The following KCNG3 variants were observed in gnomAD, a reference collection of about 807,000 sequenced individuals.
KCNG3 encodes potassium voltage-gated channel modifier subfamily G member 3.
KCNG3 carries 15 observed loss-of-function variants against 29.0 expected under a neutral mutation model. The ratio of observed to expected loss-of-function variants is 0.52; its 90% CI spans 0.35 to 0.80. KCNG3 has a LOEUF of 0.80. Among genes scored for constraint, KCNG3 ranks in the 30% least tolerant of loss-of-function variants. The pLI, the probability that KCNG3 is intolerant of heterozygous loss-of-function variation, is 0.01. For missense variants in KCNG3, 512 were observed against 605.7 expected (o/e 0.85, Z 1.62); for synonymous variants, 322 against 248.9 (o/e 1.29, Z -2.76).
At chr2:42,472,290 T>C (rs903416213) in intron 1 of KCNG3, among the ~76,000 whole-genome samples, 2 of 152,212 alleles carry the variant, frequency 1.3e-5, no homozygotes, top group Non-Finnish European at 2.9e-5. Context: ...AAACGTGACA[T>C]GAAGTTGAAC....
At chr2:42,405,348 G>T in the KCNG3 span, among the ~76,000 whole-genome samples, 1 of 151,544 alleles carries the variant, frequency 6.6e-6, no homozygotes. Context: ...TTTCTCCTTT[G>T]TGTTTGTTTT....
chr2:42,452,973 G>A lies in KCNG3; in HGVS notation c.666-8394C>T, dbSNP rs1370444139. ...ATTTTTGTATTTTTAGTAGAGATGGGGTTTCACCATGTTGGCCAAGCTGGT... is the reference window on the plus strand; with the variant it reads ...ATTTTTGTATTTTTAGTAGAGATGGAGTTTCACCATGTTGGCCAAGCTGGT... On this transcript the variant is annotated intron_variant, in intron 1 of 1. Coordinates refer to ENST00000306078, the MANE Select transcript of KCNG3 (RefSeq NM_133329.6). 2.6e-5 allele frequency among the ~76,000 whole-genome samples: 4 copies of A among 152,108 alleles called. 1 individual carries two copies. The highest frequency in any genetic ancestry group is 5.9e-5 in the Non-Finnish European group (4 of 68,020).
At chr2:42,418,260 T>A in the KCNG3 span, among the ~76,000 whole-genome samples, 1 of 152,204 alleles carries the variant, frequency 6.6e-6, no homozygotes, top group Non-Finnish European at 1.5e-5. Flanking sequence ...GGTTCACCCA[T>A]GTTGTAGCAT....
the KCNG3 span, among the ~76,000 whole-genome samples, chr2:42,422,884 G>A: frequency 6.6e-6 from 1 of 152,128 alleles, no homozygotes; most frequent in Non-Finnish European, 1.5e-5. Context: ...CCACCTCCTT[G>A]TTGGGCCCTT....
chr2:42,439,675 T>C (rs181514716), downstream of KCNG3, among the ~76,000 whole-genome samples: 32 of 152,028 alleles, frequency 2.1e-4, no homozygotes, highest in Admixed American at 6.6e-4. Context: ...AGACGGAGTT[T>C]CACTTTTGTC....
At chr2:42,441,410 T>A (rs902462776), downstream of KCNG3, among the ~76,000 whole-genome samples, 3 of 151,758 alleles carry the variant, frequency 2.0e-5, no homozygotes, top group African/African-American at 7.3e-5. Flanking sequence ...AATAGATAAA[T>A]AATGATAAAA....
the KCNG3 span, among the ~76,000 whole-genome samples, chr2:42,397,606 T>C: frequency 3.9e-5 from 6 of 152,226 alleles, no homozygotes; most frequent in African/African-American, 1.2e-4. Context: ...ATATTAGGTA[T>C]AAAGGTGACA....
At chr2:42,411,816 A>T in the KCNG3 span, among the ~76,000 whole-genome samples, 1 of 152,158 alleles carries the variant, frequency 6.6e-6, no homozygotes, top group African/African-American at 2.4e-5. Flanking sequence ...ACTGATTCCT[A>T]GTTATTTGTA....
Position 42,493,910 on chromosome 2 carries a change from C to T in KCNG3, c.-409G>A. 1 of 162,920 alleles carries T rather than the reference C, an allele frequency of 6.1e-6. No homozygotes were observed. The highest frequency in any genetic ancestry group is 1.3e-5 in the Non-Finnish European group (1 of 75,552). 10.1% of individuals were successfully genotyped at this position (162,920 alleles called of 1,614,324 possible). ...TGGAGCCGCCGGGGCGGAATAGCTC[C>T]CCGTCTCCGGCGCTCCCTGCGGCCG... is the stretch of plus-strand genomic sequence containing the variant. On this transcript the variant is annotated 5_prime_UTR_variant, in exon 1 of 2. Transcript: ENST00000306078.
chr2:42,465,201 T>C (rs927445424), intron 1 of KCNG3, among the ~76,000 whole-genome samples: 5 of 151,714 alleles, frequency 3.3e-5, no homozygotes, highest in Non-Finnish European at 7.4e-5. Flanking sequence ...TTTAAGAGTA[T>C]TTAATTTCTT....
intron 1 of KCNG3, chr2:42,470,253 T>C: frequency 2.5e-6 from 1 of 406,312 alleles, no homozygotes; most frequent in South Asian, 2.8e-5. Flanking sequence ...ACAGCCTCTG[T>C]CCTGGTCGCA....
At chr2:42,419,219 CTTTTTTTTTTTTTTTTT>C in the KCNG3 span, among the ~76,000 whole-genome samples, 52 of 27,744 alleles carry the variant, frequency 1.9e-3, no homozygotes, top group Middle Eastern at 0.05. Context: ...GATGGTATCT[CTTTTTTTTTTTTTTTTT>C]TTTTTTTTTT....
rs144050470 is a variant in KCNG3, at chr2:42,468,141, G to A, written c.666-23562C>T. Among the ~76,000 whole-genome samples, 572 of 152,228 alleles carry A rather than the reference G, an allele frequency of 3.8e-3. 19 individuals are homozygous for A. Among genetic ancestry groups the A allele is most frequent in the East Asian group, 9.6e-4 (5 of 5,182 alleles). On this transcript the variant is annotated intron_variant, in intron 1 of 1. Coordinates refer to ENST00000306078, the MANE Select transcript of KCNG3 (RefSeq NM_133329.6). ...AAAATAAAAATAAAAAGACAAGAAT[G>A]CCGGCTGTCACCATTTCTCATCAGT...
At chr2:42,467,970 C>CAA (rs1290947746) in intron 1 of KCNG3, among the ~76,000 whole-genome samples, 12 of 90,700 alleles carry the variant, frequency 1.3e-4, no homozygotes, top group South Asian at 6.8e-4. Flanking sequence ...GACCCTGTCT[C>CAA]AAAAAAAAAA....
At chr2:42,425,280 T>C in the KCNG3 span, among the ~76,000 whole-genome samples, 787 of 148,432 alleles carry the variant, frequency 5.3e-3, 2 homozygotes, top group Non-Finnish European at 9.0e-3. Flanking sequence ...GCGCCTGTAG[T>C]CCAAGCTATT....
At chr2:42,447,972 G>A (rs1056999131) in intron 1 of KCNG3, among the ~76,000 whole-genome samples, 4 of 152,162 alleles carry the variant, frequency 2.6e-5, no homozygotes, top group Non-Finnish European at 5.9e-5. Flanking sequence ...CCCTACAGAG[G>A]TTGTACCAAA....
chr2:42,443,209 G>A lies in KCNG3; in HGVS notation c.*725C>T, dbSNP rs886518689. Reference sequence around the variant, plus strand: ...GAATTCAAATATTATCCAGTAAGATGCTAAACAACACAAGCTCTCGTCAAT... The same window carrying A: ...GAATTCAAATATTATCCAGTAAGATACTAAACAACACAAGCTCTCGTCAAT... On this transcript the variant is annotated 3_prime_UTR_variant, in exon 2 of 2. Transcript: ENST00000306078. 1 of 152,186 alleles carries A rather than the reference G, an allele frequency of 6.6e-6. No individual in the cohort carries two copies. The highest frequency in any genetic ancestry group is 2.4e-5 in the African/African-American group (1 of 41,450). 9.4% of individuals were successfully genotyped at this position (152,186 alleles called of 1,614,324 possible).
chr2:42,492,866 G>A lies in KCNG3; in HGVS notation c.636C>T (p.Tyr212=), dbSNP rs1318566334. 6.6e-7 allele frequency: 1 copy of A among 1,524,964 alleles called. No homozygotes were observed. Among genetic ancestry groups the A allele is most frequent in the South Asian group, 1.3e-5 (1 of 77,192 alleles). 94.5% of individuals were successfully genotyped at this position (1,524,964 alleles called of 1,614,324 possible). Residue 212 remains tyrosine, a synonymous_variant, in exon 1 of 2, where the codon TAC becomes TAT. Coordinates refer to ENST00000306078, the MANE Select transcript of KCNG3 (RefSeq NM_133329.6). ...DNRSLDDRSR[Y]SAGPGREPSG... is the part of the protein sequence containing the mutation. ...AGGGCTCCCTCCCAGGGCCGGCGGA[G>A]TACCTGCTCCGGTCATCCAGGCTGC...
chr2:42,425,932 G>A, the KCNG3 span, among the ~76,000 whole-genome samples: 42,114 of 152,064 alleles, frequency 0.28, 6,319 homozygotes, highest in East Asian at 0.57. Flanking sequence ...ACAAATTGCT[G>A]AAGTTGACGC....
Sources: gnomAD v4.1 joint callset for allele counts (sites outside exome capture counted in the v4.1 genomes callset) on GRCh38, gnomAD v4.1.1 for gene constraint, MANE v1.5 for transcripts, NCBI Gene and HGNC (gene_info 2026-07-23, HGNC 2026-07-21) for gene names.